MYRIP: variants seen among roughly 807,000 people sequenced by gnomAD.
MYRIP encodes the protein rab effector MyRIP.
MYRIP carries 49 observed loss-of-function variants against 98.0 expected under a neutral mutation model. That is an observed-to-expected ratio of 0.50 (90% CI 0.40 to 0.63). MYRIP has a LOEUF of 0.63. Among genes scored for constraint, MYRIP ranks in the 30% least tolerant of loss-of-function variants. The probability of loss-of-function intolerance (pLI) is 0.00; values close to 1 mark genes in which losing one functional copy is unlikely to be tolerated. For synonymous variants in MYRIP, 404 were observed against 409.5 expected, an observed-to-expected ratio of 0.99 and a Z score of 0.16; for missense variants, 1,004 against 1,058.2, an observed-to-expected ratio of 0.95 and a Z score of 0.71.
At chr3:39,976,464 A>C (rs1230934542) in intron 2 of MYRIP, among the ~76,000 whole-genome samples, 1 of 152,228 alleles carries the variant, frequency 6.6e-6, no homozygotes, top group Admixed American at 6.5e-5. Flanking sequence ...AACCTAGTTC[A>C]ACCATTGTGG....
intron 10 of MYRIP, among the ~76,000 whole-genome samples, chr3:40,196,080 T>G (rs181683282): frequency 7.9e-5 from 12 of 152,188 alleles, no homozygotes; most frequent in Admixed American, 7.8e-4. Context: ...TCCTCTAGTT[T>G]ATAGATTTTT....
chr3:40,212,162 A>G (rs367774325), intron 11 of MYRIP, among the ~76,000 whole-genome samples: 5,455 of 9,586 alleles, frequency 0.57, 1,286 homozygotes, highest in Middle Eastern at 0.75. Context: ...ACGTGTATAT[A>G]TATATACATA....
chr3:40,226,707 C>T (rs556105318), intron 11 of MYRIP, among the ~76,000 whole-genome samples: 3 of 152,320 alleles, frequency 2.0e-5, no homozygotes, highest in East Asian at 3.9e-4. Context: ...ACAGTATCTG[C>T]GTCCTAGGGT....
chr3:40,203,958 T>A (rs1272313559), intron 10 of MYRIP, among the ~76,000 whole-genome samples: 14 of 676 alleles, frequency 0.021, 3 homozygotes, highest in Non-Finnish European at 0.025. Flanking sequence ...TATTATATAT[T>A]ATATACATTA....
chr3:39,892,059 TAA>T (rs1943503673), intron 1 of MYRIP, among the ~76,000 whole-genome samples: 1 of 152,108 alleles, frequency 6.6e-6, no homozygotes, highest in African/African-American at 2.4e-5. Context: ...TCTTCTATCC[TAA>T]AGTTATAAAA....
chr3:39,909,888 T>TTTGTTTG (rs1553644546), intron 2 of MYRIP, among the ~76,000 whole-genome samples: 7 of 151,460 alleles, frequency 4.6e-5, no homozygotes, highest in Non-Finnish European at 7.4e-5. Flanking sequence ...CGTTCTTTTT[T>TTTGTTTG]TTTGTTTGTT....
intron 4 of MYRIP, 25 bp from the exon 5 acceptor site, chr3:40,162,705 T>C (rs1215433771): frequency 1.2e-6 from 2 of 1,604,946 alleles, no homozygotes; most frequent in Non-Finnish European, 8.5e-7. Context: ...ATATTCATTC[T>C]CTTCTCCCAC....
At chr3:40,110,332 A>G (rs887605136) in intron 3 of MYRIP, among the ~76,000 whole-genome samples, 3 of 152,222 alleles carry the variant, frequency 2.0e-5, no homozygotes, top group Non-Finnish European at 4.4e-5. Flanking sequence ...GGCCTTGTAG[A>G]AAAAAAGGCC....
At chr3:40,036,324 A>AAAAAAAAAAAAAAAAAAAAAC (rs1553607293) in intron 2 of MYRIP, among the ~76,000 whole-genome samples, 4 of 125,626 alleles carry the variant, frequency 3.2e-5, no homozygotes, top group Non-Finnish European at 3.3e-5. Flanking sequence ...AAAAAAAAAA[A>AAAAAAAAAAAAAAAAAAAAAC]CTTTATTCAA....
At chr3:39,908,028 C>T (rs1398516377) in intron 2 of MYRIP, among the ~76,000 whole-genome samples, 1 of 152,220 alleles carries the variant, frequency 6.6e-6, no homozygotes, top group African/African-American at 2.4e-5. Flanking sequence ...GAGATAGCCA[C>T]AGGCTTTAAA....
intron 3 of MYRIP, among the ~76,000 whole-genome samples, chr3:40,057,723 C>T (rs189011338): frequency 4.0e-4 from 61 of 152,258 alleles, no homozygotes; most frequent in African/African-American, 1.4e-3. Context: ...CAGAATTTTC[C>T]TCTGCTAGCA....
chr3:40,244,674 G>A, intron 13 of MYRIP, 67 bp downstream of exon 13: 2 of 1,493,040 alleles, frequency 1.3e-6, no homozygotes, highest in Non-Finnish European at 1.8e-6. Context: ...TGTTCTACAA[G>A]AATCACTTTA....
intron 2 of MYRIP, among the ~76,000 whole-genome samples, chr3:39,909,159 C>T (rs1943955802): frequency 1.3e-5 from 2 of 152,092 alleles, no homozygotes; most frequent in African/African-American, 4.8e-5. Context: ...TAGGAGGAGA[C>T]AGAACTGGGA....
At chr3:40,087,240 C>T (rs1339267552) in intron 3 of MYRIP, among the ~76,000 whole-genome samples, 1 of 152,096 alleles carries the variant, frequency 6.6e-6, no homozygotes, top group Non-Finnish European at 1.5e-5. Context: ...TCCAAAACCA[C>T]ACTTTCTCCT....
chr3:40,148,925 G>A (rs1367275973), intron 3 of MYRIP, among the ~76,000 whole-genome samples: 1 of 152,190 alleles, frequency 6.6e-6, no homozygotes. Flanking sequence ...AGGGCTGAAA[G>A]GTGGAGGTGC....
chr3:40,227,118 G>A (rs926885587), intron 11 of MYRIP, among the ~76,000 whole-genome samples: 19 of 152,202 alleles, frequency 1.2e-4, no homozygotes, highest in African/African-American at 4.6e-4. Flanking sequence ...TCTGCTCTCT[G>A]AGGGTAGGGA....
intron 13 of MYRIP, among the ~76,000 whole-genome samples, chr3:40,245,913 AT>A (rs55637614): frequency 0.026 from 3,017 of 115,570 alleles, 96 homozygotes; most frequent in African/African-American, 0.089. Context: ...CACCCAGCTA[AT>A]TTTTTTTTTT....
chr3:39,973,281 A>C lies in MYRIP; in HGVS notation c.111-70769A>C, dbSNP rs374220166. 1.4e-3 allele frequency among the ~76,000 whole-genome samples: 206 copies of C among 152,310 alleles called. 3 individuals are homozygous for C. In the South Asian group the frequency reaches 0.041, roughly 30 times the overall value. On this transcript the variant is annotated intron_variant, in intron 2 of 16. Coordinates refer to ENST00000302541, the MANE Select transcript of MYRIP (RefSeq NM_015460.4). ...TCTCTGATAAAACAGACTTTAAACCAACAAAGATCAAAAGAGACAAAGAAG... is the reference window on the plus strand; with the variant it reads ...TCTCTGATAAAACAGACTTTAAACCCACAAAGATCAAAAGAGACAAAGAAG...
chr3:39,862,773 C>G (rs1440003344), intron 1 of MYRIP, among the ~76,000 whole-genome samples: 1 of 152,182 alleles, frequency 6.6e-6, no homozygotes, highest in Non-Finnish European at 1.5e-5. Flanking sequence ...GAACTTGACA[C>G]TTGACCAAAT....
Sources: gnomAD v4.1 joint callset for allele counts (sites outside exome capture counted in the v4.1 genomes callset) on GRCh38, gnomAD v4.1.1 for gene constraint, MANE v1.5 for transcripts, NCBI Gene and HGNC (gene_info 2026-07-23, HGNC 2026-07-21) for gene names.